The following KCTD20 variants were observed in gnomAD, a reference collection of about 807,000 sequenced individuals.
KCTD20 encodes BTB/POZ domain-containing protein KCTD20.
Under a neutral mutation model 39.6 loss-of-function variants are expected in KCTD20, and 30 were observed. The ratio of observed to expected loss-of-function variants is 0.76; its 90% CI spans 0.57 to 1.03. The LOEUF (loss-of-function observed/expected upper bound fraction) is 1.03. KCTD20 is among the 50% of genes least tolerant of loss of function. KCTD20 has a pLI of 0.00. For missense variants in KCTD20, 422 were observed against 522.0 expected (o/e 0.81, Z 1.87); for synonymous variants, 162 against 180.6 (o/e 0.90, Z 0.83).
At chr6:36,471,028 G>A (rs1442209523) in intron 2 of KCTD20, among the ~76,000 whole-genome samples, 1 of 151,970 alleles carries the variant, frequency 6.6e-6, no homozygotes, top group Non-Finnish European at 1.5e-5. Context: ...GCAGATGCCT[G>A]TAATCTCAGC....
intron 2 of KCTD20, among the ~76,000 whole-genome samples, chr6:36,471,059 A>C (rs1285890519): frequency 4.0e-5 from 6 of 151,844 alleles, no homozygotes; most frequent in Admixed American, 3.9e-4. Context: ...TATGAGGCAC[A>C]AGAATCGCTT....
rs918263910 is a variant in KCTD20, at chr6:36,487,993, G to A, written c.*818G>A. 1.3e-5 allele frequency: 2 copies of A among 152,196 alleles called. No individual in the cohort carries two copies. The highest frequency in any genetic ancestry group is 2.9e-5 in the Non-Finnish European group (2 of 68,044). The allele number at this position is 152,196 out of a possible 1,614,324, so 9.4% of individuals were successfully genotyped here. A position where few individuals can be genotyped will look rare whatever the true frequency, so the allele number is the denominator to read the frequency against. ...TGAAACCATAGGTCTTAACACTCTG[G>A]AGCAGCACATTGCTGTGGATATGTC... On this transcript the variant is annotated 3_prime_UTR_variant, in exon 8 of 8. Coordinates refer to ENST00000373731, the MANE Select transcript of KCTD20 (RefSeq NM_173562.5).
At position 36,461,994 on chromosome 6, in the gene KCTD20, A is replaced by T. The variant is rs114138725; in HGVS notation, c.-46-8058A>T. ...CTTCCAAGTAGAAATGAGGAGCAGAAATAGTCCTGTCCACAGATATCCTTT... is the reference window on the plus strand; with the variant it reads ...CTTCCAAGTAGAAATGAGGAGCAGATATAGTCCTGTCCACAGATATCCTTT... On this transcript the variant is annotated intron_variant, in intron 1 of 7. Transcript: ENST00000373731. Among the ~76,000 whole-genome samples, 331 of 152,292 alleles carry T rather than the reference A, an allele frequency of 2.2e-3. 3 individuals are homozygous for T. Among genetic ancestry groups the T allele is most frequent in the African/African-American group, 7.6e-3 (315 of 41,556 alleles).
At chr6:36,486,445 C>T (rs974017832) in intron 7 of KCTD20, among the ~76,000 whole-genome samples, 2 of 152,170 alleles carry the variant, frequency 1.3e-5, no homozygotes, top group African/African-American at 4.8e-5. Context: ...TTTTAGGCAG[C>T]ATCTCTGTTT....
At chr6:36,450,727 A>C (rs781696665) in intron 1 of KCTD20, among the ~76,000 whole-genome samples, 12 of 152,096 alleles carry the variant, frequency 7.9e-5, no homozygotes, top group Non-Finnish European at 1.5e-4. Flanking sequence ...TGCTTGAAAA[A>C]CTATTCCATA....
At chr6:36,445,114 A>T (rs1028737344) in intron 1 of KCTD20, among the ~76,000 whole-genome samples, 5 of 151,912 alleles carry the variant, frequency 3.3e-5, no homozygotes, top group African/African-American at 4.8e-5. Flanking sequence ...ATACAAAAAT[A>T]AGCCAGGCAT....
intron 1 of KCTD20, among the ~76,000 whole-genome samples, chr6:36,467,483 C>T (rs867701289): frequency 1.3e-5 from 2 of 149,452 alleles, no homozygotes; most frequent in African/African-American, 2.5e-5. Context: ...GGACTACAGG[C>T]GCCCCCACCA....
chr6:36,464,114 GGGATATGCTTTAA>G (rs1191752825), intron 1 of KCTD20, among the ~76,000 whole-genome samples: 1 of 152,148 alleles, frequency 6.6e-6, no homozygotes, highest in African/African-American at 2.4e-5. Flanking sequence ...CATCCTTAGT[GGGATATGCTTTAA>G]GGACAAAAAG....
At chr6:36,478,985 G>A in intron 3 of KCTD20, 136 bp from the exon 4 acceptor site, 1 of 610,954 alleles carries the variant, frequency 1.6e-6, no homozygotes, top group South Asian at 2.0e-5. Flanking sequence ...TAGGCATTGG[G>A]TTCCAGTGCT....
Position 36,471,608 on chromosome 6 carries a change from G to A in KCTD20, c.160+1351G>A, listed in dbSNP as rs562384501. Among the ~76,000 whole-genome samples the A allele has an allele frequency of 9.2e-5, 14 of 152,274 alleles. No individual in the cohort carries two copies. In the South Asian group the frequency reaches 2.9e-3, roughly 32 times the overall value. On this transcript the variant is annotated intron_variant, in intron 2 of 7. Transcript: ENST00000373731. ...TTGCTCAGGTTCACATTGCTAGGAG[G>A]TAGTGAGCTGAGATGATTTCTATAT...
At chr6:36,479,778 GATTTTTT>G in intron 5 of KCTD20, 67 bp downstream of exon 5, 6 of 385,674 alleles carry the variant, frequency 1.6e-5, no homozygotes, top group Non-Finnish European at 1.7e-5. Flanking sequence ...GGAAGTCACC[GATTTTTT>G]TTTTTTTTTT....
intron 1 of KCTD20, among the ~76,000 whole-genome samples, chr6:36,459,715 T>A (rs553808622): frequency 6.6e-6 from 1 of 152,190 alleles, no homozygotes; most frequent in Non-Finnish European, 1.5e-5. Flanking sequence ...TTGACAGCAA[T>A]TGGTGCTGGT....
chr6:36,471,150 CAAA>C lies in KCTD20; in HGVS notation c.160+908_160+910del, dbSNP rs57194798. On this transcript the variant is annotated intron_variant, in intron 2 of 7. Transcript: ENST00000373731. ...TGGGCAAGAGAGGGAGACTGTGTCT[CAAA>C]AAAAAAAAAAAAAATTCTCCCTACC... Among the ~76,000 whole-genome samples the C allele has an allele frequency of 1.1e-3, 149 of 138,414 alleles. 1 individual carries two copies. Among genetic ancestry groups the C allele is most frequent in the African/African-American group, 3.3e-3 (125 of 37,468 alleles). 90.8% of individuals were successfully genotyped at this position (138,414 alleles called of 152,430 possible).
At chr6:36,480,562 A>G (rs761420452) in intron 5 of KCTD20, among the ~76,000 whole-genome samples, 1 of 151,300 alleles carries the variant, frequency 6.6e-6, no homozygotes. Flanking sequence ...CTGGCTTATT[A>G]TTATTGTTTT....
intron 1 of KCTD20, chr6:36,465,678 A>G (rs1375701464): frequency 6.6e-6 from 1 of 152,194 alleles, no homozygotes; most frequent in Non-Finnish European, 1.5e-5. Context: ...TGATGGTGAT[A>G]AAACTATTTT....
At chr6:36,454,438 T>C (rs140429491) in intron 1 of KCTD20, among the ~76,000 whole-genome samples, 15,665 of 149,994 alleles carry the variant, frequency 0.1, 998 homozygotes, top group Admixed American at 0.22. Context: ...ACCTCCCGGG[T>C]TCAAGCAATT....
At chr6:36,478,714 C>A (rs1403165988) in intron 3 of KCTD20, among the ~76,000 whole-genome samples, 5 of 151,974 alleles carry the variant, frequency 3.3e-5, no homozygotes, top group Non-Finnish European at 5.9e-5. Flanking sequence ...AAAAAGGAGC[C>A]TAGATGCTGT....
chr6:36,460,610 A>G (rs979956012), intron 1 of KCTD20, among the ~76,000 whole-genome samples: 1 of 152,124 alleles, frequency 6.6e-6, no homozygotes, highest in Non-Finnish European at 1.5e-5. Flanking sequence ...CAGCCTCACA[A>G]TTAGAACTTA....
At chr6:36,446,095 C>T (rs941862248) in intron 1 of KCTD20, among the ~76,000 whole-genome samples, 13 of 141,866 alleles carry the variant, frequency 9.2e-5, no homozygotes, top group Non-Finnish European at 1.7e-4. Flanking sequence ...GGCGTGATCT[C>T]GGCTCACTGC....
Sources: allele counts gnomAD v4.1 joint callset (sites outside exome capture counted in the v4.1 genomes callset), GRCh38; gene constraint gnomAD v4.1.1; transcripts MANE v1.5; gene names NCBI Gene and HGNC (gene_info 2026-07-23, HGNC 2026-07-21).